RUVBL1: variants seen among roughly 807,000 people sequenced by gnomAD.
RUVBL1 encodes the protein RuvB like AAA ATPase 1.
A neutral mutation model predicts 52.4 loss-of-function variants in RUVBL1; 4 were observed. That is an observed-to-expected ratio of 0.08 (90% CI 0.04 to 0.17). The LOEUF (loss-of-function observed/expected upper bound fraction) is 0.17. RUVBL1 is among the 10% of genes least tolerant of loss of function. The pLI, the probability that RUVBL1 is intolerant of heterozygous loss-of-function variation, is 1.00. For missense variants in RUVBL1, 298 were observed against 572.8 expected, an observed-to-expected ratio of 0.52 and a Z score of 4.90; for synonymous variants, 217 against 214.4, an observed-to-expected ratio of 1.01 and a Z score of -0.10.
At chr3:128,138,078 C>A (rs1026643273) in intron 1 of RUVBL1, among the ~76,000 whole-genome samples, 4 of 152,164 alleles carry the variant, frequency 2.6e-5, no homozygotes, top group African/African-American at 7.2e-5. Context: ...AGACCCACAG[C>A]TAGTGTCATA....
At chr3:128,065,771 C>G (rs1246717545) in intron 9 of RUVBL1, among the ~76,000 whole-genome samples, 2 of 102,914 alleles carry the variant, frequency 1.9e-5, no homozygotes, top group African/African-American at 7.8e-5. Flanking sequence ...GAGTCTTGCT[C>G]TGTTGCCCAG....
At chr3:128,141,560 AAT>A (rs1429557884) in intron 1 of RUVBL1, among the ~76,000 whole-genome samples, 1 of 152,136 alleles carries the variant, frequency 6.6e-6, no homozygotes, top group African/African-American at 2.4e-5. Context: ...TAAGTGGCAC[AAT>A]CTCGGCTCAC....
intron 1 of RUVBL1, among the ~76,000 whole-genome samples, chr3:128,146,681 ATC>A (rs1312206987): frequency 1.1e-4 from 14 of 130,988 alleles, no homozygotes; most frequent in Non-Finnish European, 2.1e-4. Context: ...TTGCGTGTGC[ATC>A]TGTGTGCATG....
exon 1 of RUVBL1, chr3:128,153,541 G>A (rs1418408009): frequency 6.6e-7 from 1 of 1,524,476 alleles, no homozygotes; most frequent in Non-Finnish European, 8.8e-7. Context: ...GAACGTGGGC[G>A]TGCTGGGCCA....
intron 9 of RUVBL1, chr3:128,084,668 G>A (rs1028674912): frequency 1.3e-5 from 2 of 152,348 alleles, no homozygotes; most frequent in Admixed American, 6.5e-5. Flanking sequence ...CTCGAAAATG[G>A]ACAGTTCATA....
chr3:128,072,402 A>C (rs757227485), intron 9 of RUVBL1, among the ~76,000 whole-genome samples: 1 of 152,224 alleles, frequency 6.6e-6, no homozygotes, highest in Non-Finnish European at 1.5e-5. Flanking sequence ...CTCCAGCCTC[A>C]GTATTTCCTT....
chr3:128,105,599 T>C (rs1349496943), intron 3 of RUVBL1, among the ~76,000 whole-genome samples: 1 of 152,186 alleles, frequency 6.6e-6, no homozygotes, highest in Non-Finnish European at 1.5e-5. Flanking sequence ...AAAACTCCTG[T>C]AGCCTTGTTT....
chr3:128,080,347 A>G (rs571361703), downstream of RUVBL1, among the ~76,000 whole-genome samples: 36 of 152,344 alleles, frequency 2.4e-4, no homozygotes, highest in South Asian at 7.2e-3. Context: ...TCTAGAGGTG[A>G]GCATAACCCC....
intron 1 of RUVBL1, among the ~76,000 whole-genome samples, chr3:128,140,453 C>T (rs182887498): frequency 6.6e-6 from 1 of 151,956 alleles, no homozygotes; most frequent in East Asian, 1.9e-4. Context: ...AGCTAATGGG[C>T]ATGCTTATTA....
upstream of RUVBL1, among the ~76,000 whole-genome samples, chr3:128,125,085 G>T (rs558869625): frequency 1.5e-5 from 2 of 130,458 alleles, no homozygotes; most frequent in East Asian, 4.9e-4. Context: ...CGCAATCTCG[G>T]CTCACTGCAA....
chr3:128,078,480 G>T (rs1039471765), downstream of RUVBL1, among the ~76,000 whole-genome samples: 1 of 152,164 alleles, frequency 6.6e-6, no homozygotes, highest in African/African-American at 2.4e-5. Context: ...GAGACAGGGC[G>T]CTGGGATTTA....
At chr3:128,097,836 T>C (rs1473844590) in intron 7 of RUVBL1, among the ~76,000 whole-genome samples, 1 of 152,186 alleles carries the variant, frequency 6.6e-6, no homozygotes, top group Non-Finnish European at 1.5e-5. Context: ...ACTTCCCACA[T>C]ACCCAATCTA....
At chr3:128,130,909 C>T (rs1943868490) in intron 1 of RUVBL1, among the ~76,000 whole-genome samples, 1 of 151,904 alleles carries the variant, frequency 6.6e-6, no homozygotes, top group Non-Finnish European at 1.5e-5. Context: ...CTCGGCCTCC[C>T]AAAGTGCTGG....
chr3:128,090,643 G>A (rs999201671), intron 8 of RUVBL1, among the ~76,000 whole-genome samples: 4 of 152,184 alleles, frequency 2.6e-5, no homozygotes, highest in African/African-American at 9.6e-5. Context: ...TTAAAATTAA[G>A]AAGAATTATA....
intron 1 of RUVBL1, among the ~76,000 whole-genome samples, chr3:128,137,633 C>G (rs1212153955): frequency 2.0e-5 from 3 of 152,196 alleles, no homozygotes; most frequent in Admixed American, 2.0e-4. Flanking sequence ...TAATATCAAT[C>G]CTCCTCAAAC....
intron 3 of RUVBL1, 67 bp downstream of exon 3, chr3:128,112,821 A>C: frequency 1.3e-6 from 2 of 1,561,950 alleles, no homozygotes; most frequent in Non-Finnish European, 1.7e-6. Context: ...CTTCACCACA[A>C]AGAGGCTTCG....
chr3:128,086,439 A>C (rs1942647976), intron 9 of RUVBL1, among the ~76,000 whole-genome samples: 1 of 152,244 alleles, frequency 6.6e-6, no homozygotes, highest in South Asian at 2.1e-4. Context: ...TGAAAAGACA[A>C]GGTCCAGGCA....
chr3:128,091,138 A>C (rs1050337269), intron 8 of RUVBL1, among the ~76,000 whole-genome samples: 3 of 152,240 alleles, frequency 2.0e-5, no homozygotes, highest in African/African-American at 7.2e-5. Flanking sequence ...CATTTCTGAG[A>C]TTTGTCCAAG....
chr3:128,066,274 C>G (rs1193264522), intron 9 of RUVBL1, among the ~76,000 whole-genome samples: 2 of 152,156 alleles, frequency 1.3e-5, no homozygotes, highest in Admixed American at 6.5e-5. Context: ...TAGGAAACAT[C>G]ACCAGCTAGA....
Sources: allele counts gnomAD v4.1 joint callset (sites outside exome capture counted in the v4.1 genomes callset), GRCh38; gene constraint gnomAD v4.1.1; transcripts MANE v1.5; gene names NCBI Gene and HGNC (gene_info 2026-07-23, HGNC 2026-07-21).